The following MDH1B variants were observed in gnomAD, a reference collection of about 807,000 sequenced individuals.
MDH1B encodes the protein putative malate dehydrogenase 1B.
Under a neutral mutation model 61.4 loss-of-function variants are expected in MDH1B, and 60 were observed. That is an observed-to-expected ratio of 0.98 (90% CI 0.79 to 1.21). The LOEUF (loss-of-function observed/expected upper bound fraction) is 1.21, where lower values mean the gene tolerates loss of function less well. Among genes scored for constraint, MDH1B ranks in the 50% most tolerant of loss-of-function variants. The pLI is 0.00. For missense variants in MDH1B, 587 were observed against 632.1 expected (o/e 0.93, Z 0.76); for synonymous variants, 236 against 218.7 (o/e 1.08, Z -0.70).
Position 206,741,078 on chromosome 2 carries a change from C to G in MDH1B, c.1435G>C (p.Glu479Gln). 6.2e-7 allele frequency: 1 copy of G among 1,612,810 alleles called. No homozygotes were observed. Among genetic ancestry groups the G allele is most frequent in the Non-Finnish European group, 8.5e-7 (1 of 1,179,348 alleles). Residue 479 changes from glutamate to glutamine, a missense_variant, in exon 10 of 12, where the codon GAA (glutamate) becomes CAA (glutamine). By Grantham distance (29) the Glu-to-Gln change is conservative. Transcript: ENST00000374412. Reference sequence around the variant, plus strand: ...CCATCTGACATAGCTAGATTTTTTTCTTCATCAGGGACCAGATCTTTATGT... The same window carrying G: ...CCATCTGACATAGCTAGATTTTTTTGTTCATCAGGGACCAGATCTTTATGT... ...SGHKDLVPDE[E>Q]KNLAMSDAAE...
At chr2:206,758,248 A>G (rs73070029) in intron 2 of MDH1B, among the ~76,000 whole-genome samples, 17,895 of 152,212 alleles carry the variant, frequency 0.12, 1,473 homozygotes, top group African/African-American at 0.24. Context: ...GGCATGTACA[A>G]GACTGGACCC....
Position 206,749,186 on chromosome 2 carries a change from G to T in MDH1B, c.1053-3C>A, listed in dbSNP as rs763354420. ...CAAATTCTCTTTTTACCCACTCACT[G>T]TAAGGAGAGAAAGAAACAATTTTAC... is the stretch of plus-strand genomic sequence containing the variant. On this transcript the variant is annotated splice_region_variant and splice_polypyrimidine_tract_variant and intron_variant, in intron 6 of 11. Coordinates refer to ENST00000374412, the MANE Select transcript of MDH1B (RefSeq NM_001039845.3). 1.2e-6 allele frequency: 2 copies of T among 1,613,446 alleles called. No homozygotes were observed. Among genetic ancestry groups the T allele is most frequent in the Non-Finnish European group, 1.7e-6 (2 of 1,179,658 alleles).
At chr2:206,741,197 C>A in intron 9 of MDH1B, 93 bp from the exon 10 acceptor site, 1 of 1,530,276 alleles carries the variant, frequency 6.5e-7, no homozygotes, top group Non-Finnish European at 8.9e-7. Flanking sequence ...GTTTTTCAAA[C>A]TTCAGTGACT....
chr2:206,744,676 C>T (rs1687993321), intron 9 of MDH1B, among the ~76,000 whole-genome samples: 2 of 152,056 alleles, frequency 1.3e-5, no homozygotes, highest in African/African-American at 4.8e-5. Flanking sequence ...CCTGTAATCT[C>T]ATCACTTTGG....
chr2:206,748,496 A>C (rs1688250314), intron 7 of MDH1B, among the ~76,000 whole-genome samples: 1 of 152,220 alleles, frequency 6.6e-6, no homozygotes, highest in African/African-American at 2.4e-5. Flanking sequence ...CCACATTCCC[A>C]GCGCTGCCTG....
At chr2:206,748,249 T>C (rs765082582) in intron 7 of MDH1B, among the ~76,000 whole-genome samples, 4 of 152,072 alleles carry the variant, frequency 2.6e-5, no homozygotes, top group Non-Finnish European at 5.9e-5. Context: ...CATAGTGGCA[T>C]GCGCCTGTGG....
chr2:206,759,443 A>G (rs966064858), intron 2 of MDH1B, among the ~76,000 whole-genome samples: 4 of 152,208 alleles, frequency 2.6e-5, no homozygotes, highest in Admixed American at 6.5e-5. Flanking sequence ...TGCAATGAAC[A>G]TATGTGTGCA....
Position 206,745,664 on chromosome 2 carries a change from C to G in MDH1B, c.1366G>C (p.Val456Leu), listed in dbSNP as rs760970562. 8.1e-6 allele frequency: 13 copies of G among 1,606,466 alleles called. No individual in the cohort carries two copies. The highest frequency in any genetic ancestry group is 1.1e-5 in the Non-Finnish European group (13 of 1,174,974). ...AAATGTATCTTGTCTCCAAGTGCAA[C>G]AAGTTTCTCCTGTTGAAATTTTATA... ...MTSDLIQEKL[V>L]ALGDKIHFQP... Residue 456 changes from valine to leucine, a missense_variant, in exon 9 of 12, where the codon GTT (valine) becomes CTT (leucine). By Grantham distance (32) the Val-to-Leu change is conservative (BLOSUM62 1). Transcript: ENST00000374412.
rs1479723800 is a variant in MDH1B at position 206,760,805 on chromosome 2, T to C, written c.135+96A>G. 1.0e-5 allele frequency: 7 copies of C among 682,168 alleles called. 1 individual carries two copies. The highest frequency in any genetic ancestry group is 1.8e-5 in the Non-Finnish European group (7 of 381,978). 42.3% of individuals were successfully genotyped at this position (682,168 alleles called of 1,614,324 possible). ...AATATCACTAGCACATGAACAGTCA[T>C]TCCTAGAAGCCAGTCTAATACACCA... On this transcript the variant is annotated intron_variant, in intron 2 of 11. Transcript: ENST00000374412.
At chr2:206,754,961 C>A in intron 5 of MDH1B, 48 bp downstream of exon 5, 1 of 1,571,116 alleles carries the variant, frequency 6.4e-7, no homozygotes. Flanking sequence ...GCTTTGAAAT[C>A]ATGTTGTTTC....
In MDH1B at chr2:206,748,974, G is replaced by T. The variant is rs545029675; in HGVS notation, c.1216+46C>A. The stretch of plus-strand genomic sequence containing the variant: ...CACAGAATTAGGAGCACGAGTTATA[G>T]ATAGAGGTTTTAAGATTTTACAAGA... On this transcript the variant is annotated intron_variant, in intron 7 of 11. Transcript: ENST00000374412. 14 of 1,559,876 alleles carry T rather than the reference G, an allele frequency of 9.0e-6. No individual in the cohort carries two copies. The South Asian group carries it at 1.6e-4, about 18-fold the overall frequency.
rs1400680560 is a variant in MDH1B at position 206,755,440 on chromosome 2, T to C, written c.479A>G (p.His160Arg). ...ILTSGEVFGM[H>R]TEISITLFDN... ...AAATAGAGTTATGCTAATTTCTGTA[T>C]GCATCCCAAACACTTCGCCACTCGT... Residue 160 changes from histidine (H) to arginine (R), a missense_variant, in exon 5 of 12, where the codon CAT becomes CGT. Coordinates refer to ENST00000374412, the MANE Select transcript of MDH1B (RefSeq NM_001039845.3). The C allele has an allele frequency of 6.2e-7, 1 of 1,614,250 alleles. No homozygotes were observed. Among genetic ancestry groups the C allele is most frequent in the Admixed American group, 1.7e-5 (1 of 60,030 alleles).
At chr2:206,750,125 G>A (rs1036920832) in intron 6 of MDH1B, among the ~76,000 whole-genome samples, 6 of 152,068 alleles carry the variant, frequency 3.9e-5, no homozygotes, top group Admixed American at 3.3e-4. Flanking sequence ...GGAAGAAAAG[G>A]AAAGCAAAGG....
Position 206,757,299 on chromosome 2 carries a change from A to C in MDH1B, c.208T>G (p.Leu70Val). 6.2e-7 allele frequency: 1 copy of C among 1,613,982 alleles called. No homozygotes were observed. Among genetic ancestry groups the C allele is most frequent in the South Asian group, 1.1e-5 (1 of 91,074 alleles). Residue 70 changes from leucine (L) to valine (V), a missense_variant, in exon 3 of 12, where the codon TTG becomes GTG. Transcript: ENST00000374412. Reference sequence around the variant, plus strand: ...AGCAAACCCTTTCCTCCACGATCCAACAGCTCTCTCCAGATGATAGGGGAA... The same window carrying C: ...AGCAAACCCTTTCCTCCACGATCCACCAGCTCTCTCCAGATGATAGGGGAA... ...KNSPIIWREL[L>V]DRGGKGLLLG...
intron 1 of MDH1B, among the ~76,000 whole-genome samples, chr2:206,763,238 C>T (rs1354805030): frequency 7.2e-6 from 1 of 138,430 alleles, no homozygotes; most frequent in African/African-American, 2.8e-5. Flanking sequence ...ACCTACTCAT[C>T]CGCTTTTTTT....
rs1688272992 is a variant in MDH1B at position 206,748,881 on chromosome 2, T to C, written c.1216+139A>G. 3 of 645,000 alleles carry C rather than the reference T, an allele frequency of 4.7e-6. No homozygotes were observed. In the South Asian group the frequency reaches 7.2e-5, roughly 16 times the overall value. The allele number at this position is 645,000 out of a possible 1,614,324, so 40.0% of individuals were successfully genotyped here. On this transcript the variant is annotated intron_variant, in intron 7 of 11. Coordinates refer to ENST00000374412, the MANE Select transcript of MDH1B (RefSeq NM_001039845.3). ...CTTTCTGAATGAGTAATTGAATGAA[T>C]GAATGAGTATGAAATTGTAAAAGTC...
chr2:206,757,498 T>C (rs1261770484), intron 2 of MDH1B, 127 bp from the exon 3 acceptor site: 6 of 690,102 alleles, frequency 8.7e-6, no homozygotes, highest in Non-Finnish European at 1.1e-5. Flanking sequence ...TAATATAATT[T>C]AGATATCTTC....
At chr2:206,750,312 A>C (rs1214697555) in intron 6 of MDH1B, among the ~76,000 whole-genome samples, 1 of 150,138 alleles carries the variant, frequency 6.7e-6, no homozygotes, top group Non-Finnish European at 1.5e-5. Context: ...AAGACCCTAT[A>C]GGGAGGACCC....
At chr2:206,746,263 C>T (rs1688104741) in intron 8 of MDH1B, 24 bp downstream of exon 8, 1 of 1,600,880 alleles carries the variant, frequency 6.2e-7, no homozygotes. Context: ...AAGGTCAGTC[C>T]CCTTGCATCT....
Sources: allele counts gnomAD v4.1 joint callset (sites outside exome capture counted in the v4.1 genomes callset), GRCh38; gene constraint gnomAD v4.1.1; transcripts MANE v1.5; gene names NCBI Gene and HGNC (gene_info 2026-07-23, HGNC 2026-07-21).